GGA1: variants seen among roughly 807,000 people sequenced by gnomAD.
The protein encoded by GGA1 is ADP-ribosylation factor-binding protein GGA1.
A neutral mutation model predicts 76.9 loss-of-function variants in GGA1; 18 were observed. The ratio of observed to expected loss-of-function variants is 0.23; its 90% confidence interval spans 0.16 to 0.35. GGA1 has a LOEUF of 0.35. Ranked by LOEUF, GGA1 falls within the 10% of genes least tolerant of loss-of-function variation. The probability of loss-of-function intolerance (pLI) is 1.00; values close to 1 mark genes in which losing one functional copy is unlikely to be tolerated. For synonymous variants in GGA1, 342 were observed against 354.7 expected (o/e 0.96, Z 0.40); for missense variants, 755 against 859.0 (o/e 0.88, Z 1.51).
rs1932055322 is a variant in GGA1 at position 37,632,782 on chromosome 22, G to A, written c.*71G>A. 1.1e-5 allele frequency: 10 copies of A among 913,392 alleles called. No homozygotes were observed. Among genetic ancestry groups the A allele is most frequent in the Non-Finnish European group, 1.6e-5 (9 of 566,924 alleles). 56.6% of individuals were successfully genotyped at this position (913,392 alleles called of 1,614,324 possible). A position where few individuals can be genotyped will look rare whatever the true frequency, so the allele number is the denominator to read the frequency against. ...TCCAGCCTGGAGGGAGGCATTGGTG[G>A]CCAAGGACACCCTTTGTTGCCCATG... On this transcript the variant is annotated 3_prime_UTR_variant, in exon 17 of 17. Transcript: ENST00000343632. The surrounding 1 kb of genome is among the most constrained non-coding windows in gnomAD (Gnocchi z 5.1).
At chr22:37,629,400 C>A in intron 11 of GGA1, 62 bp from the exon 12 acceptor site, 2 of 1,191,346 alleles carry the variant, frequency 1.7e-6, no homozygotes, top group Non-Finnish European at 2.4e-6. Context: ...CATGGCCCCT[C>A]GGCTCTCTGG....
chr22:37,630,615 G>A (rs1931629536), intron 13 of GGA1: 1 of 491,546 alleles, frequency 2.0e-6, no homozygotes, highest in Admixed American at 4.0e-5. Context: ...CACCCAGGCT[G>A]GAGTACAGTG....
In GGA1 at chr22:37,633,005, G is replaced by A. The variant is rs1215795143; in HGVS notation, c.*294G>A. 2 of 404,830 alleles carry A rather than the reference G, an allele frequency of 4.9e-6. No individual in the cohort carries two copies. The highest frequency in any genetic ancestry group is 4.0e-5 in the African/African-American group (2 of 49,878). The allele number at this position is 404,830 out of a possible 1,614,324, so 25.1% of individuals were successfully genotyped here. On this transcript the variant is annotated 3_prime_UTR_variant, in exon 17 of 17. Coordinates refer to ENST00000343632, the MANE Select transcript of GGA1 (RefSeq NM_013365.5). ...AGCCTTGGAAGAACTTGGGTCATGG[G>A]GAGGAAGCACAGCTGTTGGGGAAGG...
At chr22:37,620,977 C>T (rs1929780577) in intron 6 of GGA1, 64 bp downstream of exon 6, 8 of 941,384 alleles carry the variant, frequency 8.5e-6, no homozygotes, top group South Asian at 7.7e-5. Flanking sequence ...GGGTTCTGAC[C>T]TCTAGCTGCC....
At chr22:37,609,618 G>C (rs1347935184) in intron 1 of GGA1, among the ~76,000 whole-genome samples, 1 of 151,400 alleles carries the variant, frequency 6.6e-6, no homozygotes, top group East Asian at 1.9e-4. Context: ...TTTTTTTCTT[G>C]TTTCTCCTCA....
At chr22:37,627,934 C>T (rs539390331) in intron 11 of GGA1, among the ~76,000 whole-genome samples, 4 of 152,224 alleles carry the variant, frequency 2.6e-5, no homozygotes, top group Non-Finnish European at 4.4e-5. Flanking sequence ...TCAAGTGATC[C>T]TCCCATCTCA....
Position 37,618,481 on chromosome 22 carries a change from C to T in GGA1, c.238C>T (p.Arg80Trp), listed in dbSNP as rs770591150. 26 of 1,612,988 alleles carry T rather than the reference C, an allele frequency of 1.6e-5. No individual in the cohort carries two copies. Among genetic ancestry groups the T allele is most frequent in the East Asian group, 2.2e-5 (1 of 44,888 alleles). The change falls in exon 4 of 17, where the codon CGG becomes TGG. Residue 80 changes from arginine to tryptophan, a missense_variant. Arg to Trp is a moderately radical substitution (Grantham distance 101). Transcript: ENST00000343632. ...AACATGCATGAAGAGCTGCGGCAAG[C>T]GGTTCCACGACGAAGTGGGCAAGTT... ...LETCMKSCGK[R>W]FHDEVGKFRF...
At chr22:37,629,641 C>T (rs888180891) in intron 12 of GGA1, 115 bp downstream of exon 12, 9 of 681,626 alleles carry the variant, frequency 1.3e-5, no homozygotes, top group Non-Finnish European at 2.2e-5. Context: ...GAGCCCAGGG[C>T]CAGGGGGTGG....
At chr22:37,614,311 A>G in intron 2 of GGA1, 37 bp downstream of exon 2, 1 of 1,395,044 alleles carries the variant, frequency 7.2e-7, no homozygotes, top group East Asian at 2.3e-5. Flanking sequence ...ACTGCCCTGC[A>G]CTCTCCAGAA....
In GGA1 at chr22:37,616,935, A is replaced by C. The variant is rs2145910155; in HGVS notation, c.142A>C (p.Thr48Pro). The change falls in exon 3 of 17, where the codon ACC (threonine) becomes CCC (proline). Residue 48 changes from threonine to proline, a missense_variant. Transcript: ENST00000343632. ...NEDFEGPPLA[T>P]RLLAHKIQSP... is the part of the protein sequence containing the mutation. ...CCTCCCACCCAGGCCTCCACTCGCC[A>C]CCCGGCTGCTGGCCCACAAGATCCA... is the stretch of plus-strand genomic sequence containing the variant. 1 of 1,606,752 alleles carries C rather than the reference A, an allele frequency of 6.2e-7. No homozygotes were observed. Among genetic ancestry groups the C allele is most frequent in the Non-Finnish European group, 8.5e-7 (1 of 1,176,932 alleles).
At chr22:37,630,287 G>A (rs543885826) in intron 13 of GGA1, 117 bp downstream of exon 13, 1 of 727,682 alleles carries the variant, frequency 1.4e-6, no homozygotes, top group South Asian at 1.9e-5. Flanking sequence ...GTCTTGTTTT[G>A]TAAGCAGCAG....
rs1270139561 is a variant in GGA1 at position 37,625,210 on chromosome 22, C to A, written c.940+134C>A. ...CCCTGGCCCCTTAAGATGGGGAAGG[C>A]CCCAGGGAGGGAGCTGGGGGTGAAG... On this transcript the variant is annotated intron_variant, in intron 10 of 16. Transcript: ENST00000343632. The surrounding 1 kb of genome is among the most constrained non-coding windows in gnomAD (Gnocchi z 4.1). The A allele has an allele frequency of 2.6e-6, 2 of 764,650 alleles. No individual in the cohort carries two copies. Among genetic ancestry groups the A allele is most frequent in the Non-Finnish European group, 4.3e-6 (2 of 470,450 alleles). 47.4% of individuals were successfully genotyped at this position (764,650 alleles called of 1,614,324 possible).
intron 4 of GGA1, 190 bp from the exon 5 acceptor site, chr22:37,620,048 C>T (rs1363986658): frequency 3.0e-6 from 2 of 656,284 alleles, no homozygotes; most frequent in South Asian, 3.6e-5. Flanking sequence ...AGGGCTGACC[C>T]AGCTAATAAG....
At position 37,632,233 on chromosome 22, in the gene GGA1, G is replaced by C; in HGVS notation, c.1698+68G>C. ...GCAGGGTGACATGGAGCTGGGTGGG[G>C]AGCCACCTGTCAGGGGGCAGGTCTC... On this transcript the variant is annotated intron_variant, in intron 15 of 16. Coordinates refer to ENST00000343632, the MANE Select transcript of GGA1 (RefSeq NM_013365.5). The surrounding 1 kb of genome is among the most constrained non-coding windows in gnomAD (Gnocchi z 5.1). 6.7e-7 allele frequency: 1 copy of C among 1,499,708 alleles called. No individual in the cohort carries two copies. The highest frequency in any genetic ancestry group is 9.2e-7 in the Non-Finnish European group (1 of 1,089,314). The allele number at this position is 1,499,708 out of a possible 1,614,324, so 92.9% of individuals were successfully genotyped here.
Position 37,623,700 on chromosome 22 carries a change from C to G in GGA1, c.832+67C>G. ...CCTCCACCTCCTGCCCCCACCTCCC[C>G]CAGGCCCTGCTAAGTATCTGCAGTT... On this transcript the variant is annotated intron_variant, in intron 9 of 16. Transcript: ENST00000343632. The surrounding 1 kb of genome is among the most constrained non-coding windows in gnomAD (Gnocchi z 4.6). The G allele has an allele frequency of 8.9e-7, 1 of 1,118,676 alleles. No homozygotes were observed. Among genetic ancestry groups the G allele is most frequent in the Admixed American group, 2.0e-5 (1 of 49,578 alleles). 69.3% of individuals were successfully genotyped at this position (1,118,676 alleles called of 1,614,324 possible).
At chr22:37,629,658 G>C (rs1005337877) in intron 12 of GGA1, 132 bp downstream of exon 12, 1 of 606,306 alleles carries the variant, frequency 1.6e-6, no homozygotes, top group Non-Finnish European at 2.8e-6. Context: ...GTGGCCCAGG[G>C]GCCTGGAGAC....
At chr22:37,630,619 T>C in intron 13 of GGA1, 1 of 496,722 alleles carries the variant, frequency 2.0e-6, no homozygotes, top group South Asian at 2.6e-5. Context: ...CAGGCTGGAG[T>C]ACAGTGGCAT....
rs531976393 is a variant in GGA1 at position 37,609,838 on chromosome 22, A to G, written c.43+935A>G. 2.6e-5 allele frequency among the ~76,000 whole-genome samples: 4 copies of G among 152,158 alleles called. No individual in the cohort carries two copies. The South Asian group carries it at 8.3e-4, about 32-fold the overall frequency. ...CCCGTCGTTGCCAGGGCCTCAGGGA[A>G]CCCTCTTGGACCCGGGCACACCGGC... On this transcript the variant is annotated intron_variant, in intron 1 of 16. Transcript: ENST00000343632.
chr22:37,626,028 C>T (rs1379171056), intron 11 of GGA1, 79 bp downstream of exon 11: 16 of 1,168,010 alleles, frequency 1.4e-5, no homozygotes, highest in Non-Finnish European at 1.8e-5. Context: ...TCACAGCTAG[C>T]GGAACCACGT....
Sources: allele counts gnomAD v4.1 joint callset (sites outside exome capture counted in the v4.1 genomes callset), GRCh38; gene constraint gnomAD v4.1.1; non-coding constraint Gnocchi (gnomAD v3.1); transcripts MANE v1.5; gene names NCBI Gene and HGNC (gene_info 2026-07-23, HGNC 2026-07-21).